The following DCAF6 variants were observed in gnomAD, a reference collection of about 807,000 sequenced individuals.
DCAF6 encodes the protein DDB1- and CUL4-associated factor 6.
In DCAF6, 54 loss-of-function variants were observed where a neutral mutation model predicts 125.1. That is an observed-to-expected ratio of 0.43 (90% CI 0.35 to 0.54). The LOEUF is 0.54. Among genes scored for constraint, DCAF6 ranks in the 20% least tolerant of loss-of-function variants. The pLI, the probability that DCAF6 is intolerant of heterozygous loss-of-function variation, is 0.01. For synonymous variants in DCAF6, 371 were observed against 390.4 expected, an observed-to-expected ratio of 0.95 and a Z score of 0.58; for missense variants, 934 against 1,161.7, an observed-to-expected ratio of 0.80 and a Z score of 2.85.
intron 4 of DCAF6, among the ~76,000 whole-genome samples, chr1:167,979,940 T>G (rs1166168564): frequency 6.6e-6 from 1 of 151,826 alleles, no homozygotes; most frequent in Non-Finnish European, 1.5e-5. Context: ...CCCAGCACTT[T>G]GGGAGGCTGA....
the DCAF6 span, among the ~76,000 whole-genome samples, chr1:167,912,603 C>T: frequency 6.6e-5 from 10 of 152,252 alleles, no homozygotes; most frequent in Admixed American, 2.6e-4. Flanking sequence ...ACGTCCACCC[C>T]ACTGGGGGTT....
intron 14 of DCAF6, 77 bp downstream of exon 14, chr1:168,043,217 C>T (rs41271645): frequency 0.013 from 13,850 of 1,077,822 alleles, 359 homozygotes; most frequent in African/African-American, 0.095. Context: ...CCCTTCGATG[C>T]TGTATTTTGT....
the DCAF6 span, chr1:167,878,532 G>A: frequency 6.2e-7 from 1 of 1,614,130 alleles, no homozygotes; most frequent in Non-Finnish European, 8.5e-7. Context: ...CTTTAAAAAA[G>A]TACGCTGGTA....
upstream of DCAF6, chr1:167,936,185 C>G (rs1417395159): frequency 2.9e-5 from 8 of 277,038 alleles, no homozygotes; most frequent in Non-Finnish European, 4.9e-5. Flanking sequence ...CCGAGCTGCC[C>G]GCCATGATTG....
At chr1:167,965,370 T>TTGTCTAGGTCAG (rs1419143304) in intron 2 of DCAF6, among the ~76,000 whole-genome samples, 1 of 152,212 alleles carries the variant, frequency 6.6e-6, no homozygotes, top group Non-Finnish European at 1.5e-5. Context: ...GTATTTCTGT[T>TTGTCTAGGTCAG]TGTCTAGGTC....
chr1:167,925,534 G>GTT, the DCAF6 span, among the ~76,000 whole-genome samples: 1 of 77,540 alleles, frequency 1.3e-5, no homozygotes, highest in South Asian at 3.8e-4. Flanking sequence ...TTTTTTTTTG[G>GTT]TTTTTTTTTT....
chr1:167,875,246 G>A, the DCAF6 span: 1 of 1,529,090 alleles, frequency 6.5e-7, no homozygotes, highest in East Asian at 2.2e-5. Context: ...TTGAGAGCAA[G>A]AGTGATTAGT....
intron 11 of DCAF6, among the ~76,000 whole-genome samples, chr1:168,016,399 T>C (rs555457269): frequency 9.8e-5 from 15 of 152,314 alleles, no homozygotes; most frequent in Non-Finnish European, 1.5e-4. Flanking sequence ...AATTATAGTA[T>C]TATTTGGCCA....
intron 2 of DCAF6, 52 bp downstream of exon 2, chr1:167,951,913 AGTG>A: frequency 1.6e-6 from 2 of 1,244,392 alleles, no homozygotes; most frequent in Non-Finnish European, 1.2e-6. Context: ...TAAGTGTTTA[AGTG>A]TTTGATGAAA....
intron 3 of DCAF6, among the ~76,000 whole-genome samples, chr1:167,972,499 A>G (rs1387058525): frequency 6.6e-6 from 1 of 152,196 alleles, no homozygotes; most frequent in Non-Finnish European, 1.5e-5. Flanking sequence ...ATATTTTTAA[A>G]AGATAGCTCT....
intron 21 of DCAF6, among the ~76,000 whole-genome samples, chr1:168,075,095 C>A (rs762122649): frequency 6.6e-6 from 1 of 152,194 alleles, no homozygotes; most frequent in Non-Finnish European, 1.5e-5. Context: ...AACCTAGACT[C>A]CAAAGAACAC....
chr1:168,069,384 C>T (rs1692755249), intron 21 of DCAF6, among the ~76,000 whole-genome samples: 1 of 152,168 alleles, frequency 6.6e-6, no homozygotes, highest in South Asian at 2.1e-4. Flanking sequence ...CTACTCCATC[C>T]ACACTGGCCC....
At chr1:168,025,397 A>G (rs1686206946) in intron 12 of DCAF6, among the ~76,000 whole-genome samples, 1 of 152,108 alleles carries the variant, frequency 6.6e-6, no homozygotes, top group Admixed American at 6.5e-5. Context: ...AAAGTATGAT[A>G]TACATTTTAG....
chr1:167,886,568 A>C, the DCAF6 span, among the ~76,000 whole-genome samples: 2 of 152,184 alleles, frequency 1.3e-5, no homozygotes, highest in Non-Finnish European at 1.5e-5. Context: ...TAAAGACTTA[A>C]ATGTTAGACC....
intron 13 of DCAF6, among the ~76,000 whole-genome samples, chr1:168,040,719 C>CT (rs557546316): frequency 0.08 from 10,895 of 136,916 alleles, 477 homozygotes; most frequent in Middle Eastern, 0.12. Flanking sequence ...ACTTTTTGGG[C>CT]TTTTTTTTTT....
chr1:168,073,832 T>C (rs951128508), intron 21 of DCAF6, among the ~76,000 whole-genome samples: 4 of 151,806 alleles, frequency 2.6e-5, no homozygotes, highest in African/African-American at 7.3e-5. Flanking sequence ...AAAAACAATG[T>C]AATTTTTTTT....
chr1:167,911,999 G>A, the DCAF6 span, among the ~76,000 whole-genome samples: 1 of 152,260 alleles, frequency 6.6e-6, no homozygotes, highest in East Asian at 1.9e-4. Flanking sequence ...AAATATCTGG[G>A]AGTTTCTTAT....
the DCAF6 span, among the ~76,000 whole-genome samples, chr1:167,896,352 A>G: frequency 6.6e-6 from 1 of 152,216 alleles, no homozygotes; most frequent in African/African-American, 2.4e-5. Flanking sequence ...CCTAGGGGAT[A>G]CTTATTAATG....
At chr1:167,920,724 C>A in the DCAF6 span, 2 of 1,218,846 alleles carry the variant, frequency 1.6e-6, no homozygotes, top group Admixed American at 2.7e-5. Context: ...TTGAGATTTC[C>A]GTAAGTTAGC....
Sources: gnomAD v4.1 joint callset for allele counts (sites outside exome capture counted in the v4.1 genomes callset) on GRCh38, gnomAD v4.1.1 for gene constraint, MANE v1.5 for transcripts, NCBI Gene and HGNC (gene_info 2026-07-23, HGNC 2026-07-21) for gene names.